PAPPA2: variants seen among roughly 807,000 people sequenced by gnomAD.
The protein encoded by PAPPA2 is pappalysin-2.
PAPPA2 carries 86 observed loss-of-function variants against 176.4 expected under a neutral mutation model. The observed-to-expected ratio is 0.49, with a 90% CI of 0.41 to 0.58. The LOEUF (loss-of-function observed/expected upper bound fraction) is 0.58. Ranked by LOEUF, PAPPA2 falls within the 20% of genes least tolerant of loss-of-function variation. The pLI is 0.00. For synonymous variants in PAPPA2, 809 were observed against 852.2 expected (o/e 0.95, Z 0.88); for missense variants, 2,073 against 2,256.9 (o/e 0.92, Z 1.65).
intron 1 of PAPPA2, among the ~76,000 whole-genome samples, chr1:176,552,909 C>T (rs139221539): frequency 5.3e-5 from 8 of 152,262 alleles, no homozygotes; most frequent in Non-Finnish European, 8.8e-5. Context: ...TGTGCACTTG[C>T]GGAGTGGCAG....
At chr1:176,741,313 T>G (rs1342850870) in intron 14 of PAPPA2, among the ~76,000 whole-genome samples, 2 of 152,062 alleles carry the variant, frequency 1.3e-5, no homozygotes, top group African/African-American at 4.8e-5. Context: ...CTATCAGGCC[T>G]CAGAAGATCC....
chr1:176,507,711 C>G (rs1363175242), intron 1 of PAPPA2, among the ~76,000 whole-genome samples: 1 of 151,468 alleles, frequency 6.6e-6, no homozygotes, highest in African/African-American at 2.4e-5. Context: ...TAGGTTCTCA[C>G]TTATAAGTGG....
At chr1:176,690,797 A>C in intron 5 of PAPPA2, 1 of 1,038,826 alleles carries the variant, frequency 9.6e-7, no homozygotes. Flanking sequence ...GAAGAGTCCA[A>C]TGGAAATAAA....
intron 12 of PAPPA2, among the ~76,000 whole-genome samples, chr1:176,735,732 CT>C (rs751358935): frequency 7.7e-5 from 11 of 142,806 alleles, no homozygotes; most frequent in East Asian, 6.2e-4. Flanking sequence ...ATCTATCTAT[CT>C]ATCTATCATC....
At chr1:176,602,525 C>T (rs1012075088) in intron 3 of PAPPA2, among the ~76,000 whole-genome samples, 3 of 152,192 alleles carry the variant, frequency 2.0e-5, no homozygotes, top group Non-Finnish European at 4.4e-5. Context: ...GAGCCAAAGG[C>T]ATGGTCAGGC....
intron 4 of PAPPA2, among the ~76,000 whole-genome samples, chr1:176,676,435 C>G (rs1175515162): frequency 6.6e-6 from 1 of 151,472 alleles, no homozygotes; most frequent in African/African-American, 2.4e-5. Flanking sequence ...TTGGATGGAT[C>G]TCAAGGGCAT....
chr1:176,686,286 A>T (rs986425662), intron 4 of PAPPA2, among the ~76,000 whole-genome samples: 4 of 152,170 alleles, frequency 2.6e-5, no homozygotes, highest in African/African-American at 9.6e-5. Context: ...ATGGTGGAAG[A>T]TACCTCTTCA....
chr1:176,637,398 G>A (rs1656767701), intron 3 of PAPPA2, among the ~76,000 whole-genome samples: 1 of 152,146 alleles, frequency 6.6e-6, no homozygotes. Context: ...GATATAAACA[G>A]ATGGGTTAGA....
At chr1:176,833,133 T>C (rs1412733674) in intron 21 of PAPPA2, among the ~76,000 whole-genome samples, 1 of 152,234 alleles carries the variant, frequency 6.6e-6, no homozygotes, top group Non-Finnish European at 1.5e-5. Flanking sequence ...CATCTTCTCA[T>C]CTCTTGTTTG....
intron 3 of PAPPA2, among the ~76,000 whole-genome samples, chr1:176,666,654 A>ACCCAG: frequency 6.6e-6 from 1 of 151,394 alleles, no homozygotes; most frequent in African/African-American, 2.4e-5. Flanking sequence ...TGACCCAGTG[A>ACCCAG]TAGAGTTCAT....
Position 176,595,114 on chromosome 1 carries a change from T to A in PAPPA2, c.1510T>A (p.Cys504Ser). The change falls in exon 3 of 23, where the codon TGT (cysteine) becomes AGT (serine). Residue 504 changes from cysteine to serine, a missense_variant. Physicochemically the swap from Cys to Ser is moderately radical, Grantham distance 112 (BLOSUM62 -1). Transcript: ENST00000367662. ...LQPPLCGQTV[C>S]DNVELISQYN... ...GCCCCCACTCTGTGGGCAAACAGTCTGTGACAATGTGGAATTGATCTCCCA... is the reference window on the plus strand; with the variant it reads ...GCCCCCACTCTGTGGGCAAACAGTCAGTGACAATGTGGAATTGATCTCCCA... The A allele has an allele frequency of 6.2e-7, 1 of 1,614,160 alleles. No homozygotes were observed. The highest frequency in any genetic ancestry group is 8.5e-7 in the Non-Finnish European group (1 of 1,180,008).
At chr1:176,582,118 G>A (rs1428161190) in intron 2 of PAPPA2, among the ~76,000 whole-genome samples, 1 of 151,548 alleles carries the variant, frequency 6.6e-6, no homozygotes, top group African/African-American at 2.4e-5. Flanking sequence ...TAGTAGAGAC[G>A]GGGTTTTACC....
intron 1 of PAPPA2, among the ~76,000 whole-genome samples, chr1:176,490,070 C>G (rs1231658636): frequency 4.6e-5 from 7 of 151,896 alleles, no homozygotes; most frequent in Non-Finnish European, 8.8e-5. Context: ...AGAACAGGTG[C>G]TACTTGGGCC....
intron 1 of PAPPA2, among the ~76,000 whole-genome samples, chr1:176,538,594 G>A (rs1042866126): frequency 2.6e-5 from 4 of 152,000 alleles, no homozygotes; most frequent in Admixed American, 6.6e-5. Flanking sequence ...GAAATGGAAC[G>A]TATAACCTTT....
intron 3 of PAPPA2, among the ~76,000 whole-genome samples, chr1:176,659,603 G>A (rs1658244566): frequency 6.6e-6 from 1 of 152,052 alleles, no homozygotes. Context: ...AGCTACCCCA[G>A]TAGGTGCATT....
Position 176,601,523 on chromosome 1 carries a change from C to T in PAPPA2, c.1991+5928C>T, listed in dbSNP as rs569155899. 4.6e-5 allele frequency among the ~76,000 whole-genome samples: 7 copies of T among 152,230 alleles called. No homozygotes were observed. In the East Asian group the frequency reaches 1.4e-3, roughly 29 times the overall value. On this transcript the variant is annotated intron_variant, in intron 3 of 22. Transcript: ENST00000367662. ...AGTACTTATCAAGCTCTGGACTGGTCAGGAGGAGATATGAATTACAGATAC... is the reference window on the plus strand; with the variant it reads ...AGTACTTATCAAGCTCTGGACTGGTTAGGAGGAGATATGAATTACAGATAC...
intron 21 of PAPPA2, 49 bp from the exon 22 acceptor site, chr1:176,840,124 A>G (rs780010763): frequency 6.9e-7 from 1 of 1,448,500 alleles, no homozygotes; most frequent in Non-Finnish European, 9.7e-7. Flanking sequence ...AGAGTCAAAC[A>G]AGACATAATA....
chr1:176,535,976 C>G (rs746654151), intron 1 of PAPPA2, among the ~76,000 whole-genome samples: 1 of 152,174 alleles, frequency 6.6e-6, no homozygotes, highest in Non-Finnish European at 1.5e-5. Context: ...GAACCTCACA[C>G]TGTAACGTCC....
intron 1 of PAPPA2, among the ~76,000 whole-genome samples, chr1:176,517,344 T>C (rs1177942006): frequency 6.6e-6 from 1 of 152,174 alleles, no homozygotes; most frequent in East Asian, 1.9e-4. Context: ...TATATTAAAA[T>C]GCACAGGCCT....
Sources: allele counts gnomAD v4.1 joint callset (sites outside exome capture counted in the v4.1 genomes callset), GRCh38; gene constraint gnomAD v4.1.1; transcripts MANE v1.5; gene names NCBI Gene and HGNC (gene_info 2026-07-23, HGNC 2026-07-21).